The following NBPF11 variants were observed in gnomAD, a reference collection of about 807,000 sequenced individuals.
NBPF11 encodes NBPF family member NBPF11.
A neutral mutation model predicts 93.9 loss-of-function variants in NBPF11; 72 were observed. The observed-to-expected ratio is 0.77, with a 90% CI of 0.63 to 0.93. The LOEUF (loss-of-function observed/expected upper bound fraction) is 0.93, where lower values mean the gene tolerates loss of function less well. Ranked by LOEUF, NBPF11 falls within the 40% of genes least tolerant of loss-of-function variation. The pLI is 0.00. For missense variants in NBPF11, 705 were observed against 802.2 expected (o/e 0.88, Z 1.46); for synonymous variants, 224 against 304.9 (o/e 0.73, Z 2.76).
intron 4 of NBPF11, among the ~76,000 whole-genome samples, chr1:148,127,930 C>T (rs1431204881): frequency 6.6e-6 from 1 of 151,914 alleles, no homozygotes; most frequent in Non-Finnish European, 1.5e-5. Flanking sequence ...GCTGGGATTA[C>T]AGGCGTGAGC....
chr1:148,113,618 C>T (rs1431393105), intron 15 of NBPF11, among the ~76,000 whole-genome samples: 17 of 101,268 alleles, frequency 1.7e-4, no homozygotes, highest in Non-Finnish European at 2.8e-4. Context: ...ACCAAGCAGA[C>T]CTAAAAGACA....
chr1:148,103,470 T>A lies in NBPF11; in HGVS notation c.*426A>T. ...CATGTGCTGCACAGTTATGTGAACG[T>A]GTCACACCTAACGTGGGTCCATTGT... is the stretch of plus-strand genomic sequence containing the variant. On this transcript the variant is annotated 3_prime_UTR_variant, in exon 24 of 24. Transcript: ENST00000682118. 1.2e-6 allele frequency: 1 copy of A among 856,824 alleles called. No individual in the cohort carries two copies. The highest frequency in any genetic ancestry group is 1.8e-6 in the Non-Finnish European group (1 of 560,964). The allele number at this position is 856,824 out of a possible 1,614,324, so 53.1% of individuals were successfully genotyped here.
At chr1:148,123,208 C>CG (rs1258102186) in intron 7 of NBPF11, among the ~76,000 whole-genome samples, 5 of 151,478 alleles carry the variant, frequency 3.3e-5, no homozygotes, top group Non-Finnish European at 7.4e-5. Flanking sequence ...GTCCTCTATG[C>CG]GTCATGAGAC....
intron 4 of NBPF11, among the ~76,000 whole-genome samples, chr1:148,134,374 CCATCGGGTGCCCA>C (rs2149273106): frequency 6.6e-6 from 1 of 150,478 alleles, no homozygotes; most frequent in South Asian, 2.2e-4. Flanking sequence ...CTTCCAGGCT[CCATCGGGTGCCCA>C]CATTGCTAAA....
At chr1:148,146,678 G>A (rs1227073447) in intron 1 of NBPF11, 21 of 1,611,688 alleles carry the variant, frequency 1.3e-5, no homozygotes, top group East Asian at 4.5e-5. Context: ...AAGAGCGCCC[G>A]CGGCAACCGT....
chr1:148,122,806 A>T lies in NBPF11; in HGVS notation c.494-5T>A. 1 of 1,609,684 alleles carries T rather than the reference A, an allele frequency of 6.2e-7. No homozygotes were observed. The highest frequency in any genetic ancestry group is 1.7e-5 in the Admixed American group (1 of 60,016). ...CATCCTCATCTTCGTCATTTTCTAT[A>T]AATACAAAATGTTCGTTCAGATATT... On this transcript the variant is annotated splice_region_variant and splice_polypyrimidine_tract_variant and intron_variant, in intron 7 of 23. Transcript: ENST00000682118.
intron 9 of NBPF11, among the ~76,000 whole-genome samples, chr1:148,121,488 C>T (rs1225444329): frequency 6.6e-6 from 1 of 151,152 alleles, no homozygotes; most frequent in Non-Finnish European, 1.5e-5. Context: ...GCTGGGACTA[C>T]AGGCGCCCAC....
intron 4 of NBPF11, among the ~76,000 whole-genome samples, chr1:148,132,618 C>T (rs1670594837): frequency 6.7e-6 from 1 of 148,264 alleles, no homozygotes; most frequent in Non-Finnish European, 1.5e-5. Flanking sequence ...TCTTCTGATC[C>T]ATGACAAGGT....
intron 12 of NBPF11, among the ~76,000 whole-genome samples, 172 bp downstream of exon 12, chr1:148,117,400 C>A (rs202075950): frequency 8.7e-4 from 123 of 141,246 alleles, no homozygotes; most frequent in African/African-American, 1.7e-3. Flanking sequence ...TGACCTCCAA[C>A]CCCATGGGTT....
chr1:148,146,426 G>A, intron 1 of NBPF11: 2 of 1,603,712 alleles, frequency 1.2e-6, no homozygotes, highest in South Asian at 1.1e-5. Context: ...GAGCTCTGCT[G>A]CCTCTTCTGC....
At chr1:148,151,493 G>A (rs1190635361) in intron 1 of NBPF11, among the ~76,000 whole-genome samples, 4 of 152,052 alleles carry the variant, frequency 2.6e-5, no homozygotes, top group Non-Finnish European at 4.4e-5. Flanking sequence ...CACCCCCTGG[G>A]ATGCCACAGA....
At position 148,149,251 on chromosome 1, in the gene NBPF11, C is replaced by T. The variant is rs1647603729; in HGVS notation, c.-549+2499G>A. The T allele has an allele frequency of 1.1e-5, 18 of 1,594,528 alleles. No individual in the cohort carries two copies. In the Admixed American group the frequency reaches 1.8e-4, roughly 16 times the overall value. On this transcript the variant is annotated intron_variant, in intron 1 of 23. Transcript: ENST00000682118. ...ACCTGGCCTCGCGCTACGAGTGTGC[C>T]GCGGTGGTGCTGCACTCGCCGCTCA...
chr1:148,132,089 T>C (rs1175902305), intron 4 of NBPF11, among the ~76,000 whole-genome samples: 1 of 147,628 alleles, frequency 6.8e-6, no homozygotes, highest in Non-Finnish European at 1.5e-5. Context: ...TTTTGAGAAA[T>C]TGTTTCATTG....
chr1:148,146,558 C>T (rs1673121461), intron 1 of NBPF11: 1 of 1,605,532 alleles, frequency 6.2e-7, no homozygotes, highest in Non-Finnish European at 8.5e-7. Flanking sequence ...CCCTTGGGGA[C>T]CCTGAGAGCC....
chr1:148,127,142 G>A, intron 4 of NBPF11, 104 bp from the exon 5 acceptor site: 1 of 420,798 alleles, frequency 2.4e-6, no homozygotes. Flanking sequence ...TTAACTTACT[G>A]TTGTGAAAAA....
chr1:148,142,659 T>C lies in NBPF11; in HGVS notation c.-277+756A>G, dbSNP rs1484958278. 7.9e-3 allele frequency among the ~76,000 whole-genome samples: 1,203 copies of C among 152,158 alleles called. 4 individuals are homozygous for C. Among genetic ancestry groups the C allele is most frequent in the Middle Eastern group, 0.027 (8 of 294 alleles). ...GCCCCTTTCTTTCTCCCCCTCTCAA[T>C]GCCTGCAGTGGTGGGTTCCGTGGGG... On this transcript the variant is annotated intron_variant, in intron 2 of 23. Transcript: ENST00000682118.
At chr1:148,116,660 G>GT (rs1666630659) in intron 12 of NBPF11, 125 bp from the exon 13 acceptor site, 1 of 591,850 alleles carries the variant, frequency 1.7e-6, no homozygotes, top group South Asian at 2.0e-5. Flanking sequence ...AAACTCTCAT[G>GT]TTTTATCTTT....
intron 1 of NBPF11, chr1:148,149,253 C>A: frequency 1.9e-6 from 3 of 1,595,222 alleles, no homozygotes; most frequent in Non-Finnish European, 2.5e-6. Context: ...GAGTGTGCCG[C>A]GGTGGTGCTG....
rs1662701059 is a variant in NBPF11 at position 148,103,204 on chromosome 1, G to T, written c.*692C>A. 4.9e-6 allele frequency: 1 copy of T among 203,068 alleles called. No individual in the cohort carries two copies. The highest frequency in any genetic ancestry group is 9.9e-6 in the Non-Finnish European group (1 of 101,148). 12.6% of individuals were successfully genotyped at this position (203,068 alleles called of 1,614,324 possible). ...GTTCTGAAATACAATCCTCAGCCAA[G>T]GATCCCTCCTGTGTTACAGATGGAT... On this transcript the variant is annotated 3_prime_UTR_variant, in exon 24 of 24. Coordinates refer to ENST00000682118, the MANE Select transcript of NBPF11 (RefSeq NM_001385469.3).
Sources: gnomAD v4.1 joint callset for allele counts (sites outside exome capture counted in the v4.1 genomes callset) on GRCh38, gnomAD v4.1.1 for gene constraint, MANE v1.5 for transcripts, NCBI Gene and HGNC (gene_info 2026-07-23, HGNC 2026-07-21) for gene names.